TF: variants seen among roughly 807,000 people sequenced by gnomAD.
TF encodes transferrin, also known as serotransferrin.
A neutral mutation model predicts 82.4 loss-of-function variants in TF; 55 were observed. The observed-to-expected ratio is 0.67, with a 90% CI of 0.54 to 0.84. The LOEUF (loss-of-function observed/expected upper bound fraction) is 0.84. Among genes scored for constraint, TF ranks in the 40% least tolerant of loss-of-function variants. The pLI, the probability that TF is intolerant of heterozygous loss-of-function variation, is 0.00. For missense variants in TF, 737 were observed against 868.4 expected (o/e 0.85, Z 1.90); for synonymous variants, 332 against 332.6 (o/e 1.00, Z 0.02).
the TF span, among the ~76,000 whole-genome samples, chr3:133,676,647 C>T: frequency 3.9e-5 from 6 of 152,330 alleles, no homozygotes; most frequent in East Asian, 1.9e-4. Flanking sequence ...AGCACGGCCA[C>T]GTGGGGCCAC....
At chr3:133,666,148 C>T in the TF span, among the ~76,000 whole-genome samples, 201 of 152,114 alleles carry the variant, frequency 1.3e-3, 2 homozygotes, top group African/African-American at 4.6e-3. Context: ...TGAATAAATA[C>T]GTATAAATAA....
At chr3:133,686,539 GA>G in the TF span, among the ~76,000 whole-genome samples, 2 of 152,128 alleles carry the variant, frequency 1.3e-5, no homozygotes, top group Non-Finnish European at 2.9e-5. Flanking sequence ...GTGGGCAGAG[GA>G]TATGAACAGA....
At chr3:133,732,995 C>T in the TF span, among the ~76,000 whole-genome samples, 2 of 152,174 alleles carry the variant, frequency 1.3e-5, no homozygotes, top group East Asian at 1.9e-4. Flanking sequence ...CTTCTCTTGT[C>T]CTAATTCGTG....
At chr3:133,747,600 CA>C (rs952855264) in intron 1 of TF, among the ~76,000 whole-genome samples, 4 of 152,230 alleles carry the variant, frequency 2.6e-5, no homozygotes, top group Non-Finnish European at 5.9e-5. Context: ...GCTGTCTCTG[CA>C]ACCACATGGA....
At chr3:133,733,333 A>C in the TF span, among the ~76,000 whole-genome samples, 4 of 152,154 alleles carry the variant, frequency 2.6e-5, no homozygotes, top group African/African-American at 9.7e-5. Flanking sequence ...AGTTTGGGGC[A>C]CAAAACTCGT....
chr3:133,672,556 C>T, the TF span, among the ~76,000 whole-genome samples: 34 of 151,396 alleles, frequency 2.2e-4, 1 homozygote, highest in African/African-American at 6.1e-4. Flanking sequence ...AAGAGTAGTT[C>T]AACATTTAAA....
chr3:133,763,434 A>G (rs1404824082), intron 9 of TF, among the ~76,000 whole-genome samples: 1 of 152,234 alleles, frequency 6.6e-6, no homozygotes, highest in Non-Finnish European at 1.5e-5. Context: ...ATTCCATAGC[A>G]TGGATGTGCT....
At chr3:133,748,350 C>A (rs1341602420) in intron 1 of TF, 62 bp from the exon 2 acceptor site, 2 of 1,607,296 alleles carry the variant, frequency 1.2e-6, no homozygotes. Flanking sequence ...TTTCTAGGGG[C>A]GATGCTGTCT....
rs559474769 is a variant in TF at position 133,791,517 on chromosome 3, G to A, written c.*12897G>A. ...GCATAAATGAATAGTAAAAGTCACT[G>A]TTTATCTCCTCTGTAAAGTTTTGAT... On this transcript the variant is annotated 3_prime_UTR_variant, in exon 17 of 17. Transcript: ENST00000402696. The A allele has an allele frequency of 1.3e-5, 2 of 152,246 alleles. No individual in the cohort carries two copies. Among genetic ancestry groups the A allele is most frequent in the Admixed American group, 1.3e-4 (2 of 15,296 alleles). The allele number at this position is 152,246 out of a possible 1,614,324, so 9.4% of individuals were successfully genotyped here.
the TF span, among the ~76,000 whole-genome samples, chr3:133,684,853 A>G: frequency 5.3e-5 from 8 of 152,230 alleles, no homozygotes; most frequent in Non-Finnish European, 1.2e-4. Flanking sequence ...AACTTATTTT[A>G]TGAGGCCAGC....
chr3:133,744,765 C>T (rs2107903739), upstream of TF, among the ~76,000 whole-genome samples: 1 of 152,316 alleles, frequency 6.6e-6, no homozygotes, highest in Non-Finnish European at 1.5e-5. Flanking sequence ...TATGTAACCC[C>T]TTTGCATATG....
chr3:133,724,080 A>G, the TF span, among the ~76,000 whole-genome samples: 1 of 152,106 alleles, frequency 6.6e-6, no homozygotes, highest in East Asian at 1.9e-4. Context: ...GTTGGTTCCA[A>G]GTCTTTGCTA....
intron 5 of TF, 116 bp from the exon 6 acceptor site, chr3:133,756,166 C>A: frequency 1.0e-6 from 1 of 976,164 alleles, no homozygotes; most frequent in South Asian, 1.4e-5. Context: ...GCTTCAGCTA[C>A]GGGGCTGCAC....
the TF span, chr3:133,704,443 A>G: frequency 6.4e-6 from 1 of 156,676 alleles, no homozygotes; most frequent in Non-Finnish European, 1.4e-5. Context: ...GTATGGAGCT[A>G]GTAGAAAAAA....
Position 133,757,771 on chromosome 3 carries a change from A to G in TF, c.873A>G (p.Glu291=). 1 of 1,614,086 alleles carries G rather than the reference A, an allele frequency of 6.2e-7. No individual in the cohort carries two copies. The change falls in exon 8 of 17, where the codon GAA becomes GAG. Residue 291 remains glutamate (E), a splice_region_variant and synonymous_variant. Coordinates refer to ENST00000402696, the MANE Select transcript of TF (RefSeq NM_001063.4). The part of the protein sequence containing the change: ...LIWELLNQAQ[E]HFGKDKSKEF... The stretch of plus-strand genomic sequence containing the variant: ...CTATTCTGTTTTTCTATGAACAGGA[A>G]CATTTTGGCAAAGACAAATCAAAAG...
the TF span, among the ~76,000 whole-genome samples, chr3:133,728,782 G>T: frequency 6.6e-6 from 1 of 152,108 alleles, no homozygotes; most frequent in Admixed American, 6.5e-5. Flanking sequence ...CATCTTTGTG[G>T]TTTTATCTAC....
At chr3:133,721,342 A>G in the TF span, among the ~76,000 whole-genome samples, 1 of 152,048 alleles carries the variant, frequency 6.6e-6, no homozygotes, top group Admixed American at 6.5e-5. Context: ...TAATTTCTTC[A>G]TTGACTCACC....
the TF span, among the ~76,000 whole-genome samples, chr3:133,716,839 C>G: frequency 4.6e-5 from 7 of 152,216 alleles, no homozygotes; most frequent in Non-Finnish European, 7.3e-5. Flanking sequence ...CCTGTGCACT[C>G]TCTGCTCCAG....
chr3:133,716,953 A>G, the TF span, among the ~76,000 whole-genome samples: 1 of 152,064 alleles, frequency 6.6e-6, no homozygotes, highest in Non-Finnish European at 1.5e-5. Context: ...TCTTCCTCAG[A>G]TCATCATGGC....
Sources: gnomAD v4.1 joint callset for allele counts (sites outside exome capture counted in the v4.1 genomes callset) on GRCh38, gnomAD v4.1.1 for gene constraint, MANE v1.5 for transcripts, NCBI Gene and HGNC (gene_info 2026-07-23, HGNC 2026-07-21) for gene names.